The following NMNAT2 variants were observed in gnomAD, a reference collection of about 807,000 sequenced individuals.
NMNAT2 encodes the protein nicotinamide/nicotinic acid mononucleotide adenylyltransferase 2.
Under a neutral mutation model 41.6 loss-of-function variants are expected in NMNAT2, and 11 were observed. That is an observed-to-expected ratio of 0.26 (90% CI 0.17 to 0.44). The LOEUF (loss-of-function observed/expected upper bound fraction) is 0.44. Ranked by LOEUF, NMNAT2 falls within the 20% of genes least tolerant of loss-of-function variation. The pLI is 1.00. For synonymous variants in NMNAT2, 148 were observed against 151.2 expected (o/e 0.98, Z 0.16); for missense variants, 288 against 407.7 (o/e 0.71, Z 2.53).
chr1:183,365,693 T>C (rs1274920891), intron 1 of NMNAT2, among the ~76,000 whole-genome samples: 2 of 151,948 alleles, frequency 1.3e-5, no homozygotes, highest in African/African-American at 4.8e-5. Context: ...AGCTGAGATC[T>C]TGCCACTGCA....
chr1:183,265,495 G>A (rs1660790168), intron 8 of NMNAT2, among the ~76,000 whole-genome samples: 1 of 151,928 alleles, frequency 6.6e-6, no homozygotes, highest in African/African-American at 2.4e-5. Context: ...TCAAACTCCT[G>A]ACCTCATGAT....
chr1:183,331,984 T>C (rs1310415780), intron 1 of NMNAT2, among the ~76,000 whole-genome samples: 2 of 152,152 alleles, frequency 1.3e-5, no homozygotes, highest in Admixed American at 6.5e-5. Flanking sequence ...GGTTTCACCA[T>C]GTTGGCCAGG....
chr1:183,364,115 A>G (rs1663365462), intron 1 of NMNAT2, among the ~76,000 whole-genome samples: 1 of 152,240 alleles, frequency 6.6e-6, no homozygotes, highest in South Asian at 2.1e-4. Flanking sequence ...GGCCAGACTG[A>G]TAACTGCACT....
intron 1 of NMNAT2, among the ~76,000 whole-genome samples, chr1:183,324,504 G>T (rs1331343958): frequency 6.6e-6 from 1 of 152,118 alleles, no homozygotes; most frequent in East Asian, 1.9e-4. Context: ...TCTTGACCCA[G>T]AAGGCCCTGC....
intron 1 of NMNAT2, among the ~76,000 whole-genome samples, chr1:183,342,194 T>G (rs1053667425): frequency 9.2e-5 from 14 of 151,928 alleles, no homozygotes; most frequent in Admixed American, 2.6e-4. Context: ...TTAGATCTCC[T>G]AAAGAGAACT....
intron 1 of NMNAT2, among the ~76,000 whole-genome samples, chr1:183,317,654 C>T (rs533467445): frequency 1.3e-5 from 2 of 152,240 alleles, no homozygotes; most frequent in East Asian, 1.9e-4. Flanking sequence ...CTTTGGAAGC[C>T]GAGAAGACTT....
intron 1 of NMNAT2, among the ~76,000 whole-genome samples, chr1:183,399,909 A>G (rs1442788621): frequency 6.6e-6 from 1 of 152,210 alleles, no homozygotes; most frequent in Non-Finnish European, 1.5e-5. Context: ...GACGGGGCAT[A>G]TCTCAAAATA....
intron 1 of NMNAT2, among the ~76,000 whole-genome samples, chr1:183,362,781 A>G (rs1049357035): frequency 2.6e-5 from 4 of 152,198 alleles, no homozygotes; most frequent in Non-Finnish European, 4.4e-5. Flanking sequence ...ATATATACCT[A>G]GAAGTGGTAT....
chr1:183,390,549 C>T (rs1455320029), intron 1 of NMNAT2, among the ~76,000 whole-genome samples: 1 of 152,030 alleles, frequency 6.6e-6, no homozygotes, highest in African/African-American at 2.4e-5. Flanking sequence ...TACTTAAAAC[C>T]CAAATTGAAG....
chr1:183,363,951 C>A (rs925282303), intron 1 of NMNAT2, among the ~76,000 whole-genome samples: 1 of 152,226 alleles, frequency 6.6e-6, no homozygotes, highest in Non-Finnish European at 1.5e-5. Flanking sequence ...TAGTCTCCCG[C>A]TTCCAAGCCT....
chr1:183,398,606 A>G (rs1269884451), intron 1 of NMNAT2, among the ~76,000 whole-genome samples: 2 of 152,190 alleles, frequency 1.3e-5, no homozygotes, highest in African/African-American at 4.8e-5. Flanking sequence ...AACAGAATAT[A>G]CATTCTTCTT....
At chr1:183,258,466 G>T (rs762702149) in intron 10 of NMNAT2, among the ~76,000 whole-genome samples, 11 of 152,204 alleles carry the variant, frequency 7.2e-5, no homozygotes, top group Non-Finnish European at 1.3e-4. Context: ...TGTTCCTGGT[G>T]TAGGCTGAAC....
chr1:183,311,075 T>C (rs1662107690), intron 1 of NMNAT2, among the ~76,000 whole-genome samples: 1 of 152,122 alleles, frequency 6.6e-6, no homozygotes, highest in African/African-American at 2.4e-5. Context: ...TTGAGTGAGG[T>C]GCCCTGGTCT....
chr1:183,281,306 G>A (rs552728113), intron 7 of NMNAT2, among the ~76,000 whole-genome samples: 1 of 152,220 alleles, frequency 6.6e-6, no homozygotes, highest in South Asian at 2.1e-4. Flanking sequence ...CAGGACTGGA[G>A]GGAGAGGGTG....
At chr1:183,303,422 A>G (rs1314018820) in intron 1 of NMNAT2, among the ~76,000 whole-genome samples, 1 of 152,186 alleles carries the variant, frequency 6.6e-6, no homozygotes, top group Non-Finnish European at 1.5e-5. Context: ...TTGTTAGGTG[A>G]TATAATCACT....
At chr1:183,403,706 A>G (rs1648880496) in intron 1 of NMNAT2, among the ~76,000 whole-genome samples, 1 of 152,242 alleles carries the variant, frequency 6.6e-6, no homozygotes, top group Non-Finnish European at 1.5e-5. Context: ...GTTGGACTTA[A>G]ACATTCCACA....
chr1:183,293,928 C>A, intron 1 of NMNAT2, 135 bp from the exon 2 acceptor site: 1 of 667,554 alleles, frequency 1.5e-6, no homozygotes, highest in Non-Finnish European at 2.6e-6. Flanking sequence ...TAGAAAATGT[C>A]AACTTTCAAA....
intron 1 of NMNAT2, among the ~76,000 whole-genome samples, chr1:183,385,319 A>T (rs1648188341): frequency 6.6e-6 from 1 of 152,232 alleles, no homozygotes; most frequent in Non-Finnish European, 1.5e-5. Flanking sequence ...CAATGGCTGA[A>T]GTTAGCTAAA....
At chr1:183,372,067 C>T (rs2101911467) in intron 1 of NMNAT2, among the ~76,000 whole-genome samples, 1 of 152,244 alleles carries the variant, frequency 6.6e-6, no homozygotes, top group Admixed American at 6.5e-5. Flanking sequence ...AGGCACAAGC[C>T]CCTGTACCCA....
Sources: gnomAD v4.1 joint callset for allele counts (sites outside exome capture counted in the v4.1 genomes callset) on GRCh38, gnomAD v4.1.1 for gene constraint, MANE v1.5 for transcripts, NCBI Gene and HGNC (gene_info 2026-07-23, HGNC 2026-07-21) for gene names.